ZFTA: variants seen among roughly 807,000 people sequenced by gnomAD.
The protein encoded by ZFTA is zinc finger translocation associated, also known as zinc finger translocation-associated protein.
Under a neutral mutation model 41.8 loss-of-function variants are expected in ZFTA, and 35 were observed. The ratio of observed to expected loss-of-function variants is 0.84; its 90% confidence interval spans 0.64 to 1.11. The LOEUF is 1.11. Among genes scored for constraint, ZFTA ranks in the 50% most tolerant of loss-of-function variants. The pLI is 0.00. For synonymous variants in ZFTA, 514 were observed against 436.4 expected (o/e 1.18, Z -2.22); for missense variants, 964 against 989.8 (o/e 0.97, Z 0.35).
chr11:63,763,887 A>G lies in ZFTA; in HGVS notation c.1586-18T>C, dbSNP rs1474827674. The stretch of plus-strand genomic sequence containing the variant: ...AACGTCGCCTAAGGAGGGACAAAGG[A>G]CCGCATTGGCGACGGCGGGGGGCAG... On this transcript the variant is annotated intron_variant, in intron 4 of 4. Coordinates refer to ENST00000433688, the MANE Select transcript of ZFTA (RefSeq NM_001144936.2). 2.1e-6 allele frequency: 3 copies of G among 1,414,040 alleles called. No individual in the cohort carries two copies. Among genetic ancestry groups the G allele is most frequent in the African/African-American group, 1.5e-5 (1 of 65,948 alleles). 87.6% of individuals were successfully genotyped at this position (1,414,040 alleles called of 1,614,324 possible).
At chr11:63,763,903 C>CG (rs1256156895) in intron 4 of ZFTA, 34 bp from the exon 5 acceptor site, 22 of 1,405,232 alleles carry the variant, frequency 1.6e-5, no homozygotes, top group Non-Finnish European at 1.9e-5. Flanking sequence ...TTGGCGACGG[C>CG]GGGGGGCAGC....
In ZFTA at chr11:63,764,156, G is replaced by C; in HGVS notation, c.1467C>G (p.Ala489=). Residue 489 remains alanine (A), a synonymous_variant, in exon 4 of 5, where the codon GCC becomes GCG. Transcript: ENST00000433688. ...EWSEKAAHLL[A]LGPPRPESPQ... is the part of the protein sequence containing the mutation. The stretch of plus-strand genomic sequence containing the variant: ...GGGACTCGGGGCGGGGCGGCCCCAG[G>C]GCCAGCAGGTGGGCGGCCTTCTCGC... The C allele has an allele frequency of 1.5e-6, 2 of 1,362,002 alleles. No individual in the cohort carries two copies. The highest frequency in any genetic ancestry group is 9.4e-7 in the Non-Finnish European group (1 of 1,064,412). 84.4% of individuals were successfully genotyped at this position (1,362,002 alleles called of 1,614,324 possible).
intron 4 of ZFTA, 30 bp downstream of exon 4, chr11:63,764,008 C>CT: frequency 6.1e-6 from 8 of 1,311,644 alleles, no homozygotes; most frequent in Non-Finnish European, 7.9e-6. Flanking sequence ...CCGGCTCTCC[C>CT]TCTCCGCCTG....
In ZFTA at chr11:63,763,559, C is replaced by G. The variant is rs776467158; in HGVS notation, c.1896G>C (p.Thr632=). The G allele has an allele frequency of 6.5e-7, 1 of 1,547,906 alleles. No individual in the cohort carries two copies. Among genetic ancestry groups the G allele is most frequent in the South Asian group, 1.2e-5 (1 of 83,978 alleles). The change falls in exon 5 of 5, where the codon ACG becomes ACC. Residue 632 remains threonine (T), a synonymous_variant. Coordinates refer to ENST00000433688, the MANE Select transcript of ZFTA (RefSeq NM_001144936.2). ...LQVHPFSMDF[T]PEERQTILEA... is the part of the protein sequence containing the mutation. ...CCAGGATAGTCTGGCGCTCCTCAGG[C>G]GTGAAGTCCATGGAGAAGGGGTGCA...
Position 63,764,351 on chromosome 11 carries a change from C to A in ZFTA, c.1272G>T (p.Leu424=). The A allele has an allele frequency of 7.5e-7, 1 of 1,336,080 alleles. No individual in the cohort carries two copies. The highest frequency in any genetic ancestry group is 9.5e-7 in the Non-Finnish European group (1 of 1,048,160). The allele number at this position is 1,336,080 out of a possible 1,614,324, so 82.8% of individuals were successfully genotyped here. A position where few individuals can be genotyped will look rare whatever the true frequency, so the allele number is the denominator to read the frequency against. Residue 424 remains leucine, a synonymous_variant, in exon 4 of 5, where the codon CTG becomes CTT. Coordinates refer to ENST00000433688, the MANE Select transcript of ZFTA (RefSeq NM_001144936.2). ...HRRHPQERWR[L]EYLMELDGGR... is the part of the protein sequence containing the mutation. ...CGCCGTCCAACTCCATGAGGTACTC[C>A]AGCCGCCAGCGCTCCTGGGGGTGGC...
In ZFTA at chr11:63,765,133, G is replaced by A. The variant is rs914404921; in HGVS notation, c.759C>T (p.Ala253=). 4.5e-6 allele frequency: 7 copies of A among 1,547,318 alleles called. No individual in the cohort carries two copies. In the Admixed American group the frequency reaches 1.4e-4, roughly 30 times the overall value. ...CCTTCAGCCTCCTCTCCAGGCGCCG[G>A]GCCCCCAGCCCCCTGCTGCCCCCGG... ...RRAGGSRGLG[A]RRLERRLKES... is the part of the protein sequence containing the mutation. Residue 253 remains alanine (A), a synonymous_variant, in exon 3 of 5, where the codon GCC becomes GCT. Coordinates refer to ENST00000433688, the MANE Select transcript of ZFTA (RefSeq NM_001144936.2). This position sits in a 1 kb window ranked among gnomAD's most constrained non-coding sequence, Gnocchi z 4.0.
At position 63,763,183 on chromosome 11, in the gene ZFTA, G is replaced by GGAGAGT. The variant is rs2014676685; in HGVS notation, c.*229_*234dup. The GGAGAGT allele has an allele frequency of 4.8e-6, 1 of 206,314 alleles. No homozygotes were observed. Among genetic ancestry groups the GGAGAGT allele is most frequent in the African/African-American group, 2.4e-5 (1 of 42,220 alleles). The allele number at this position is 206,314 out of a possible 1,614,324, so 12.8% of individuals were successfully genotyped here. On this transcript the variant is annotated 3_prime_UTR_variant, in exon 5 of 5. Transcript: ENST00000433688. The stretch of plus-strand genomic sequence containing the variant: ...GGGAGGGCAGGGCTCCGGGCCGATG[G>GGAGAGT]GAGAGTGCGCTTCCCGCAGCGCACC...
Position 63,765,847 on chromosome 11 carries a change from CTCCTCCTCCTCTTCT to C in ZFTA, c.582_596del (p.Glu196_Glu200del), listed in dbSNP as rs1469865782. ...GGCAAGCTGGGACACCGGCCCCCTC[CTCCTCCTCCTCTTCT>C]TCCTCCTCCTCCTCCTCCTCAGCCC... On this transcript the variant is annotated inframe_deletion, in exon 2 of 5. Coordinates refer to ENST00000433688, the MANE Select transcript of ZFTA (RefSeq NM_001144936.2). This position sits in a 1 kb window ranked among gnomAD's most constrained non-coding sequence, Gnocchi z 4.0. 1.1e-5 allele frequency: 17 copies of C among 1,503,404 alleles called. No individual in the cohort carries two copies. The highest frequency in any genetic ancestry group is 2.5e-5 in the East Asian group (1 of 40,426). 93.1% of individuals were successfully genotyped at this position (1,503,404 alleles called of 1,614,324 possible).
rs1281571243 is a variant in ZFTA at position 63,766,281 on chromosome 11, C to A, written c.163G>T (p.Gly55Cys). ...GCACTCCCCCAGGACCCCAAGGCAC[C>A]CCCTTCCAGCTGAAGATCTTGCCCT... ...EGGQDLQLEG[G>C]ALGSWGSAPL... is the part of the protein sequence containing the mutation. Residue 55 changes from glycine (G) to cysteine (C), a missense_variant, in exon 2 of 5, where the codon GGT (glycine) becomes TGT (cysteine). By Grantham distance (159) the Gly-to-Cys change is radical. Transcript: ENST00000433688. 2 of 1,456,824 alleles carry A rather than the reference C, an allele frequency of 1.4e-6. No homozygotes were observed. The highest frequency in any genetic ancestry group is 1.8e-6 in the Non-Finnish European group (2 of 1,112,066). The allele number at this position is 1,456,824 out of a possible 1,614,324, so 90.2% of individuals were successfully genotyped here.
chr11:63,762,962 T>C lies in ZFTA; in HGVS notation c.*456A>G, dbSNP rs2014670637. 6.6e-6 allele frequency: 1 copy of C among 152,064 alleles called. No homozygotes were observed. Among genetic ancestry groups the C allele is most frequent in the Non-Finnish European group, 1.5e-5 (1 of 68,066 alleles). 9.4% of individuals were successfully genotyped at this position (152,064 alleles called of 1,614,324 possible). ...AAGCCGGGAGCCGTGCCTGCCAGCG[T>C]GCAAGGCTGCAGGGAACTGGGCCCC... On this transcript the variant is annotated 3_prime_UTR_variant, in exon 5 of 5. Coordinates refer to ENST00000433688, the MANE Select transcript of ZFTA (RefSeq NM_001144936.2).
rs1289222679 is a variant in ZFTA at position 63,764,174 on chromosome 11, C to T, written c.1449G>A (p.Lys483=). The T allele has an allele frequency of 2.2e-6, 3 of 1,376,628 alleles. No individual in the cohort carries two copies. Among genetic ancestry groups the T allele is most frequent in the African/African-American group, 3.1e-5 (2 of 65,164 alleles). The allele number at this position is 1,376,628 out of a possible 1,614,324, so 85.3% of individuals were successfully genotyped here. ...QALIAREWSE[K]AAHLLALGPP... ...GCCCCAGGGCCAGCAGGTGGGCGGC[C>T]TTCTCGCTCCACTCCCGGGCGATGA... Residue 483 remains lysine (K), a synonymous_variant, in exon 4 of 5, where the codon AAG becomes AAA. Coordinates refer to ENST00000433688, the MANE Select transcript of ZFTA (RefSeq NM_001144936.2).
chr11:63,763,915 G>C, intron 4 of ZFTA, 46 bp from the exon 5 acceptor site: 1 of 1,391,394 alleles, frequency 7.2e-7, no homozygotes, highest in Non-Finnish European at 9.4e-7. Context: ...GGGGGCAGCG[G>C]GCTGGGCCCC....
Position 63,760,815 on chromosome 11 carries a change from C to T in ZFTA, c.*2603G>A, listed in dbSNP as rs924871307. On this transcript the variant is annotated 3_prime_UTR_variant, in exon 5 of 5. Coordinates refer to ENST00000433688, the MANE Select transcript of ZFTA (RefSeq NM_001144936.2). ...CCAACCAAGTTTCTGATTCAGTAAC[C>T]CTGGGGTATGGCCCAAGAATTTTTA... 1 of 152,184 alleles carries T rather than the reference C, an allele frequency of 6.6e-6. No homozygotes were observed. The highest frequency in any genetic ancestry group is 1.5e-5 in the Non-Finnish European group (1 of 68,044). The allele number at this position is 152,184 out of a possible 1,614,324, so 9.4% of individuals were successfully genotyped here.
At position 63,764,465 on chromosome 11, in the gene ZFTA, C is replaced by T. The variant is rs1448203795; in HGVS notation, c.1158G>A (p.Gly386=). 7.9e-7 allele frequency: 1 copy of T among 1,264,284 alleles called. No homozygotes were observed. 78.3% of individuals were successfully genotyped at this position (1,264,284 alleles called of 1,614,324 possible). The stretch of plus-strand genomic sequence containing the variant: ...CCAGCTCCTCCTCCTCCTCTGCGGG[C>T]CCGGGCCTCTCAGGGACCCAGCCAG... ...EEAGWVPERP[G]PAEEEEELEE... Residue 386 remains glycine, a synonymous_variant, in exon 4 of 5, where the codon GGG becomes GGA. Transcript: ENST00000433688.
chr11:63,765,131 C>A lies in ZFTA; in HGVS notation c.761G>T (p.Arg254Leu), dbSNP rs776171287. The A allele has an allele frequency of 6.5e-7, 1 of 1,547,682 alleles. No individual in the cohort carries two copies. Among genetic ancestry groups the A allele is most frequent in the South Asian group, 1.2e-5 (1 of 83,948 alleles). The change falls in exon 3 of 5, where the codon CGG (arginine) becomes CTG (leucine). Residue 254 changes from arginine (R) to leucine (L), a missense_variant. Coordinates refer to ENST00000433688, the MANE Select transcript of ZFTA (RefSeq NM_001144936.2). The surrounding 1 kb of genome is among the most constrained non-coding windows in gnomAD (Gnocchi z 4.0). ...CTCCTTCAGCCTCCTCTCCAGGCGC[C>A]GGGCCCCCAGCCCCCTGCTGCCCCC... ...RAGGSRGLGA[R>L]RLERRLKESL...
rs11551215 is a variant in ZFTA at position 63,762,759 on chromosome 11, C to T, written c.*659G>A. 5,020 of 152,330 alleles carry T rather than the reference C, an allele frequency of 0.033. 115 individuals carry two copies. The highest frequency in any genetic ancestry group is 0.11 in the South Asian group (507 of 4,826). 9.4% of individuals were successfully genotyped at this position (152,330 alleles called of 1,614,324 possible). A position where few individuals can be genotyped will look rare whatever the true frequency, so the allele number is the denominator to read the frequency against. The stretch of plus-strand genomic sequence containing the variant: ...TCACTGAGCCTGCCGGGGAGGTAAG[C>T]GCAGCTGGTCCAGCCCGGGCCCCGG... On this transcript the variant is annotated 3_prime_UTR_variant, in exon 5 of 5. Transcript: ENST00000433688.
At position 63,763,988 on chromosome 11, in the gene ZFTA, C is replaced by CA. The variant is rs909697957; in HGVS notation, c.1585+49dup. 3.8e-6 allele frequency: 5 copies of CA among 1,304,814 alleles called. No homozygotes were observed. In the African/African-American group the frequency reaches 7.8e-5, roughly 20 times the overall value. The allele number at this position is 1,304,814 out of a possible 1,614,324, so 80.8% of individuals were successfully genotyped here. ...TCCCATCCTCCAGTCCCTTCTGCCC[C>CA]AGCAACTGCCCGGCTCTCCCTCTCC... On this transcript the variant is annotated intron_variant, in intron 4 of 4. Coordinates refer to ENST00000433688, the MANE Select transcript of ZFTA (RefSeq NM_001144936.2).
At chr11:63,766,451 G>GCAGCAATAAAAGGGATGT in intron 1 of ZFTA, 147 bp from the exon 2 acceptor site, 1 of 1,136,696 alleles carries the variant, frequency 8.8e-7, no homozygotes, top group Non-Finnish European at 1.2e-6. Context: ...AAAAGGGATG[G>GCAGCAATAAAAGGGATGT]TAGAAGTGGG....
Position 63,763,477 on chromosome 11 carries a change from C to A in ZFTA, c.1978G>T (p.Ala660Ser). ...CYGHEGFGPP[A>S]PAPRDGGADL... ...GCGCCGCCGTCACGCGGCGCCGGGG[C>A]GGGCGGCCCGAAGCCCTCGTGGCCG... The change falls in exon 5 of 5, where the codon GCC becomes TCC. Residue 660 changes from alanine to serine, a missense_variant. Around this residue, in one of 5 missense-constraint regions of ZFTA, gnomAD observed 65 missense variants for 58.9 expected, o/e 1.10. Transcript: ENST00000433688. 1 of 1,509,344 alleles carries A rather than the reference C, an allele frequency of 6.6e-7. No homozygotes were observed. 93.5% of individuals were successfully genotyped at this position (1,509,344 alleles called of 1,614,324 possible).
Sources: allele counts gnomAD v4.1 joint callset, GRCh38; gene constraint gnomAD v4.1.1; regional missense constraint gnomAD v4.1.1; non-coding constraint Gnocchi (gnomAD v3.1); transcripts MANE v1.5; gene names NCBI Gene and HGNC (gene_info 2026-07-23, HGNC 2026-07-21).